CCDC85A: variants seen among roughly 807,000 people sequenced by gnomAD.
The protein encoded by CCDC85A is coiled-coil domain containing 85A, also known as coiled-coil domain-containing protein 85A.
A neutral mutation model predicts 50.2 loss-of-function variants in CCDC85A; 38 were observed. That is an observed-to-expected ratio of 0.76 (90% confidence interval 0.58 to 0.99). The LOEUF (loss-of-function observed/expected upper bound fraction) is 0.99. Among genes scored for constraint, CCDC85A ranks in the 50% least tolerant of loss-of-function variants. The probability of loss-of-function intolerance (pLI) is 0.00; values close to 1 mark genes in which losing one functional copy is unlikely to be tolerated. For missense variants in CCDC85A, 820 were observed against 742.0 expected, an observed-to-expected ratio of 1.11 and a Z score of -1.22; for synonymous variants, 366 against 301.4, an observed-to-expected ratio of 1.21 and a Z score of -2.22.
chr2:56,274,850 C>T (rs371399926), intron 2 of CCDC85A, among the ~76,000 whole-genome samples: 4 of 152,134 alleles, frequency 2.6e-5, no homozygotes, highest in African/African-American at 7.2e-5. Flanking sequence ...AGACTGCTAG[C>T]AAGGTCAGTG....
chr2:56,362,484 GA>G (rs372495907), intron 3 of CCDC85A, among the ~76,000 whole-genome samples: 46 of 151,616 alleles, frequency 3.0e-4, no homozygotes, highest in African/African-American at 1.0e-3. Context: ...AATGCTGAGG[GA>G]AAAAAAAGAA....
intron 3 of CCDC85A, among the ~76,000 whole-genome samples, chr2:56,366,542 GTCT>G (rs1675803983): frequency 6.6e-6 from 1 of 152,102 alleles, no homozygotes; most frequent in Non-Finnish European, 1.5e-5. Flanking sequence ...CTATTTGTAT[GTCT>G]TCTTTTTAAG....
intron 2 of CCDC85A, among the ~76,000 whole-genome samples, chr2:56,247,193 A>C (rs1669549874): frequency 6.6e-6 from 1 of 152,196 alleles, no homozygotes; most frequent in South Asian, 2.1e-4. Flanking sequence ...TTTGAAGGTA[A>C]CCAGAACACA....
At chr2:56,276,538 T>C (rs941811872) in intron 2 of CCDC85A, among the ~76,000 whole-genome samples, 3 of 152,104 alleles carry the variant, frequency 2.0e-5, no homozygotes, top group African/African-American at 7.2e-5. Context: ...GATGGTTTCA[T>C]GAGGGGAAAC....
chr2:56,198,694 G>T (rs1255695613), intron 2 of CCDC85A, among the ~76,000 whole-genome samples: 1 of 152,186 alleles, frequency 6.6e-6, no homozygotes, highest in East Asian at 1.9e-4. Flanking sequence ...CTAGTACAGT[G>T]TAAGGTTTTC....
intron 3 of CCDC85A, among the ~76,000 whole-genome samples, chr2:56,355,604 A>G (rs1025612785): frequency 2.6e-5 from 4 of 152,204 alleles, no homozygotes; most frequent in African/African-American, 9.7e-5. Flanking sequence ...CCTTTGAATT[A>G]TTGTTCGTAA....
intron 2 of CCDC85A, among the ~76,000 whole-genome samples, chr2:56,277,202 G>A (rs78086769): frequency 0.013 from 1,915 of 152,256 alleles, 18 homozygotes; most frequent in South Asian, 0.043. Context: ...TTCTACCTAT[G>A]CCTTTTATGT....
At chr2:56,199,866 C>T (rs1385025641) in intron 2 of CCDC85A, among the ~76,000 whole-genome samples, 1 of 152,086 alleles carries the variant, frequency 6.6e-6, no homozygotes, top group Admixed American at 6.6e-5. Flanking sequence ...TTCAGTTTTG[C>T]TTTTTATTTT....
At chr2:56,243,816 T>C (rs1314241868) in intron 2 of CCDC85A, among the ~76,000 whole-genome samples, 1 of 152,192 alleles carries the variant, frequency 6.6e-6, no homozygotes, top group Non-Finnish European at 1.5e-5. Flanking sequence ...CTTGGTATTT[T>C]GATTTTGGTC....
chr2:56,227,832 A>G (rs571832866), intron 2 of CCDC85A, among the ~76,000 whole-genome samples: 6 of 152,122 alleles, frequency 3.9e-5, no homozygotes, highest in African/African-American at 7.2e-5. Context: ...ACAAGGCCCT[A>G]TGGGTTTGTT....
In CCDC85A at chr2:56,184,963, C is replaced by T. The variant is rs1313976343; in HGVS notation, c.276+63C>T. 6 of 1,426,678 alleles carry T rather than the reference C, an allele frequency of 4.2e-6. No individual in the cohort carries two copies. The East Asian group carries it at 1.1e-4, about 27-fold the overall frequency. 88.4% of individuals were successfully genotyped at this position (1,426,678 alleles called of 1,614,324 possible). A position where few individuals can be genotyped will look rare whatever the true frequency, so the allele number is the denominator to read the frequency against. ...GGAGCGGGGTGCCCCGAGGAGGAGG[C>T]GGGGCCAGGCAAACTTTCCCTCCCT... On this transcript the variant is annotated intron_variant, in intron 1 of 5. Transcript: ENST00000407595.
At chr2:56,230,165 C>T (rs996425816) in intron 2 of CCDC85A, among the ~76,000 whole-genome samples, 5 of 152,132 alleles carry the variant, frequency 3.3e-5, no homozygotes, top group Admixed American at 3.3e-4. Context: ...CTTGCGTTTT[C>T]TGTGTTTTGA....
chr2:56,190,774 G>A (rs895758521), intron 1 of CCDC85A, among the ~76,000 whole-genome samples: 3 of 152,152 alleles, frequency 2.0e-5, no homozygotes, highest in Non-Finnish European at 4.4e-5. Context: ...ACCTGGACCA[G>A]CCCAGGAGCC....
At chr2:56,234,416 G>C in intron 2 of CCDC85A, among the ~76,000 whole-genome samples, 1 of 152,106 alleles carries the variant, frequency 6.6e-6, no homozygotes, top group Admixed American at 6.5e-5. Context: ...GAATTGAACT[G>C]GCTCCTCTCG....
chr2:56,224,480 G>A (rs1250861383), intron 2 of CCDC85A, among the ~76,000 whole-genome samples: 1 of 152,164 alleles, frequency 6.6e-6, no homozygotes, highest in Non-Finnish European at 1.5e-5. Flanking sequence ...GGAGTGGAAT[G>A]TCAACATGTG....
chr2:56,201,715 T>G (rs188590116), intron 2 of CCDC85A, among the ~76,000 whole-genome samples: 1 of 152,318 alleles, frequency 6.6e-6, no homozygotes, highest in Non-Finnish European at 1.5e-5. Flanking sequence ...TATATGCATA[T>G]ATTGATGCAT....
intron 2 of CCDC85A, among the ~76,000 whole-genome samples, chr2:56,312,268 A>G (rs1672730443): frequency 6.6e-6 from 1 of 152,114 alleles, no homozygotes; most frequent in African/African-American, 2.4e-5. Flanking sequence ...TTTGCACTCT[A>G]AATTTATGAG....
intron 3 of CCDC85A, among the ~76,000 whole-genome samples, chr2:56,363,610 T>C (rs1033406786): frequency 2.0e-5 from 3 of 152,206 alleles, no homozygotes; most frequent in Non-Finnish European, 4.4e-5. Flanking sequence ...GACCCTTCTT[T>C]TTGCCAAAGC....
At chr2:56,208,876 C>G (rs767303857) in intron 2 of CCDC85A, among the ~76,000 whole-genome samples, 15 of 151,996 alleles carry the variant, frequency 9.9e-5, no homozygotes, top group Admixed American at 2.0e-4. Context: ...CCATATAAAA[C>G]AAAATTTCCT....
Sources: gnomAD v4.1 joint callset for allele counts (sites outside exome capture counted in the v4.1 genomes callset) on GRCh38, gnomAD v4.1.1 for gene constraint, MANE v1.5 for transcripts, NCBI Gene and HGNC (gene_info 2026-07-23, HGNC 2026-07-21) for gene names.